The following CADM1 variants were observed in gnomAD, a reference collection of about 807,000 sequenced individuals.
CADM1 encodes cell adhesion molecule 1, also known as TSLC-1.
A neutral mutation model predicts 53.1 loss-of-function variants in CADM1; 15 were observed. The ratio of observed to expected loss-of-function variants is 0.28; its 90% CI spans 0.19 to 0.44. The LOEUF is 0.44. Ranked by LOEUF, CADM1 falls within the 20% of genes least tolerant of loss-of-function variation. CADM1 has a pLI of 1.00. For missense variants in CADM1, 434 were observed against 611.3 expected (o/e 0.71, Z 3.06); for synonymous variants, 281 against 243.0 (o/e 1.16, Z -1.45).
intron 1 of CADM1, among the ~76,000 whole-genome samples, chr11:115,251,919 C>A (rs1367289034): frequency 6.6e-6 from 1 of 152,168 alleles, no homozygotes; most frequent in African/African-American, 2.4e-5. Context: ...CCTGCTGACT[C>A]CCCAGTGCAA....
At chr11:115,405,060 A>G (rs1947280272) in intron 1 of CADM1, among the ~76,000 whole-genome samples, 1 of 152,132 alleles carries the variant, frequency 6.6e-6, no homozygotes, top group African/African-American at 2.4e-5. Context: ...CCTAGGCTCA[A>G]GCAATCCTCT....
chr11:115,262,018 A>G (rs1397160553), intron 1 of CADM1, among the ~76,000 whole-genome samples: 1 of 152,102 alleles, frequency 6.6e-6, no homozygotes, highest in Admixed American at 6.5e-5. Context: ...TGACCTCGTC[A>G]TCTGCCCACC....
intron 7 of CADM1, among the ~76,000 whole-genome samples, chr11:115,211,483 T>TTC (rs1555041235): frequency 1.4e-5 from 2 of 144,126 alleles, no homozygotes; most frequent in East Asian, 4.0e-4. Flanking sequence ...TTCTTTTTTT[T>TTC]TTTTTTTTTT....
At chr11:115,462,095 G>A (rs1948808494) in intron 1 of CADM1, among the ~76,000 whole-genome samples, 1 of 152,154 alleles carries the variant, frequency 6.6e-6, no homozygotes, top group Non-Finnish European at 1.5e-5. Flanking sequence ...AGGCAGTGCT[G>A]CAGAACAAAT....
chr11:115,404,844 GAAAAAAAAA>G (rs774430187), intron 1 of CADM1, among the ~76,000 whole-genome samples: 1 of 52,384 alleles, frequency 1.9e-5, no homozygotes, highest in African/African-American at 6.6e-5. Context: ...CCTGCCTCAG[GAAAAAAAAA>G]AAAAAAAAAA....
At chr11:115,325,896 G>A (rs1042628484) in intron 1 of CADM1, among the ~76,000 whole-genome samples, 28 of 152,130 alleles carry the variant, frequency 1.8e-4, no homozygotes, top group African/African-American at 6.8e-4. Context: ...ATTTGCTCTT[G>A]GCTGCTCATA....
At chr11:115,448,871 T>C (rs1169622617) in intron 1 of CADM1, among the ~76,000 whole-genome samples, 1 of 152,144 alleles carries the variant, frequency 6.6e-6, no homozygotes, top group Non-Finnish European at 1.5e-5. Context: ...ATATAGAAGA[T>C]CTCAAATGTA....
chr11:115,336,459 G>T (rs1945270080), intron 1 of CADM1, among the ~76,000 whole-genome samples: 1 of 152,220 alleles, frequency 6.6e-6, no homozygotes, highest in South Asian at 2.1e-4. Context: ...AAAACCGACT[G>T]CCACATTTGC....
At chr11:115,333,769 C>T (rs1158259932) in intron 1 of CADM1, among the ~76,000 whole-genome samples, 1 of 152,114 alleles carries the variant, frequency 6.6e-6, no homozygotes, top group Non-Finnish European at 1.5e-5. Context: ...AGTCACTGGG[C>T]ACATAGTAAA....
At chr11:115,312,556 C>T (rs183957545) in intron 1 of CADM1, among the ~76,000 whole-genome samples, 1 of 152,108 alleles carries the variant, frequency 6.6e-6, no homozygotes, top group African/African-American at 2.4e-5. Context: ...ATTAGAGCAA[C>T]AAGATATATC....
intron 8 of CADM1, among the ~76,000 whole-genome samples, chr11:115,200,502 CT>C (rs1002566975): frequency 2.0e-5 from 3 of 150,756 alleles, no homozygotes; most frequent in African/African-American, 2.4e-5. Context: ...CTTTTCTTTT[CT>C]TTTTTTTTTG....
At position 115,245,078 on chromosome 11, in the gene CADM1, T is replaced by C. The variant is rs983468597; in HGVS notation, c.125-4658A>G. Among the ~76,000 whole-genome samples, 4 of 152,226 alleles carry C rather than the reference T, an allele frequency of 2.6e-5. No individual in the cohort carries two copies. In the East Asian group the frequency reaches 7.7e-4, roughly 29 times the overall value. On this transcript the variant is annotated intron_variant, in intron 1 of 11. Coordinates refer to ENST00000331581, the MANE Select transcript of CADM1 (RefSeq NM_001301043.2). ...TTAAAACAGAATTGAGTTTATACTA[T>C]GGCAACTACGTAAACTGTTACTGAC...
intron 1 of CADM1, among the ~76,000 whole-genome samples, chr11:115,348,878 TG>T (rs1291603927): frequency 2.0e-5 from 3 of 152,194 alleles, no homozygotes; most frequent in Non-Finnish European, 4.4e-5. Flanking sequence ...GGAAGGGTCA[TG>T]GGCCTCTGAA....
intron 10 of CADM1, among the ~76,000 whole-genome samples, chr11:115,183,655 G>A (rs1398095236): frequency 2.0e-5 from 3 of 152,178 alleles, no homozygotes; most frequent in African/African-American, 7.2e-5. Flanking sequence ...ACACAATAAA[G>A]TATGCAGCAT....
intron 1 of CADM1, among the ~76,000 whole-genome samples, chr11:115,300,606 G>A (rs572004405): frequency 6.6e-6 from 1 of 152,186 alleles, no homozygotes; most frequent in East Asian, 1.9e-4. Context: ...ATTTGCTGGA[G>A]TAATATTTCT....
In CADM1 at chr11:115,231,255, T is replaced by C. The variant is rs533460943; in HGVS notation, c.562+98A>G. 4.6e-6 allele frequency: 6 copies of C among 1,312,150 alleles called. No individual in the cohort carries two copies. The Admixed American group carries it at 8.4e-5, about 18-fold the overall frequency. 81.3% of individuals were successfully genotyped at this position (1,312,150 alleles called of 1,614,324 possible). A position where few individuals can be genotyped will look rare whatever the true frequency, so the allele number is the denominator to read the frequency against. On this transcript the variant is annotated intron_variant, in intron 4 of 11. Coordinates refer to ENST00000331581, the MANE Select transcript of CADM1 (RefSeq NM_001301043.2). ...TAAACCATATCTAAATGAATACTTT[T>C]GTTTCATGGGCATGTTTTGTATTTC...
At chr11:115,332,034 C>T (rs865956428) in intron 1 of CADM1, among the ~76,000 whole-genome samples, 3 of 151,486 alleles carry the variant, frequency 2.0e-5, no homozygotes, top group Non-Finnish European at 4.4e-5. Flanking sequence ...GCGTAACAGT[C>T]GGGGAAAAAA....
intron 1 of CADM1, among the ~76,000 whole-genome samples, chr11:115,280,661 A>G (rs1276416703): frequency 6.6e-6 from 1 of 152,206 alleles, no homozygotes; most frequent in Non-Finnish European, 1.5e-5. Flanking sequence ...GGCCTCCTGC[A>G]ACAGCTACGA....
chr11:115,215,261 T>C (rs1941130709), intron 6 of CADM1, among the ~76,000 whole-genome samples: 1 of 152,220 alleles, frequency 6.6e-6, no homozygotes, highest in Admixed American at 6.5e-5. Context: ...GAATGGACTT[T>C]TATATCTGAA....
Sources: allele counts gnomAD v4.1 joint callset (sites outside exome capture counted in the v4.1 genomes callset), GRCh38; gene constraint gnomAD v4.1.1; transcripts MANE v1.5; gene names NCBI Gene and HGNC (gene_info 2026-07-23, HGNC 2026-07-21).